The following HS3ST4 variants were observed in gnomAD, a reference collection of about 807,000 sequenced individuals.
The protein encoded by HS3ST4 is heparan sulfate glucosamine 3-O-sulfotransferase 4.
HS3ST4 carries 17 observed loss-of-function variants against 29.2 expected under a neutral mutation model. The observed-to-expected ratio is 0.58, with a 90% confidence interval of 0.40 to 0.87. The LOEUF (loss-of-function observed/expected upper bound fraction) is 0.87, where lower values mean the gene tolerates loss of function less well. Ranked by LOEUF, HS3ST4 falls within the 40% of genes least tolerant of loss-of-function variation. The pLI is 0.00. For missense variants in HS3ST4, 627 were observed against 634.5 expected (o/e 0.99, Z 0.13); for synonymous variants, 314 against 285.7 (o/e 1.10, Z -1.00).
chr16:25,967,540 G>C (rs538573127), intron 1 of HS3ST4, among the ~76,000 whole-genome samples: 1 of 152,134 alleles, frequency 6.6e-6, no homozygotes, highest in Non-Finnish European at 1.5e-5. Context: ...TAGGATCTGC[G>C]AAAAGAATTT....
intron 1 of HS3ST4, among the ~76,000 whole-genome samples, chr16:26,091,000 A>G (rs1898850454): frequency 6.6e-6 from 1 of 152,192 alleles, no homozygotes; most frequent in Non-Finnish European, 1.5e-5. Context: ...ACCCTGGATA[A>G]TTCCTTAAAT....
At chr16:25,828,242 C>CTTTCTCTTTCTTTCTT (rs1371928058) in intron 1 of HS3ST4, among the ~76,000 whole-genome samples, 9 of 75,032 alleles carry the variant, frequency 1.2e-4, no homozygotes, top group East Asian at 3.7e-4. Context: ...TTCTTTCTTT[C>CTTTCTCTTTCTTTCTT]TCTTTCTTTC....
intron 1 of HS3ST4, among the ~76,000 whole-genome samples, chr16:26,095,759 C>CT (rs572804758): frequency 7.9e-5 from 12 of 152,240 alleles, no homozygotes; most frequent in Admixed American, 7.8e-4. Flanking sequence ...CAAGAAATAA[C>CT]TAAGATCAGA....
At chr16:26,101,712 A>G (rs1251497517) in intron 1 of HS3ST4, among the ~76,000 whole-genome samples, 2 of 152,218 alleles carry the variant, frequency 1.3e-5, no homozygotes, top group Non-Finnish European at 2.9e-5. Flanking sequence ...GAATAGATGG[A>G]TGGATGAACT....
At chr16:25,760,423 G>GTTTTTT (rs386384530) in intron 1 of HS3ST4, among the ~76,000 whole-genome samples, 9 of 139,442 alleles carry the variant, frequency 6.5e-5, no homozygotes, top group African/African-American at 2.1e-4. Context: ...ATGACTCCAT[G>GTTTTTT]TTTTTTTTTT....
chr16:25,878,027 T>C (rs1356952055), intron 1 of HS3ST4, among the ~76,000 whole-genome samples: 1 of 152,170 alleles, frequency 6.6e-6, no homozygotes, highest in Non-Finnish European at 1.5e-5. Flanking sequence ...CTGTCTTCCA[T>C]AGAGCTTATA....
intron 1 of HS3ST4, among the ~76,000 whole-genome samples, chr16:26,008,418 G>A (rs1251741876): frequency 6.6e-6 from 1 of 152,198 alleles, no homozygotes; most frequent in Non-Finnish European, 1.5e-5. Context: ...CACAGGAAGG[G>A]TACCCCTCCC....
intron 1 of HS3ST4, among the ~76,000 whole-genome samples, chr16:26,049,782 C>A (rs1442136244): frequency 1.3e-5 from 2 of 152,154 alleles, no homozygotes; most frequent in Non-Finnish European, 2.9e-5. Context: ...CTTCTCACAA[C>A]CCCCTCCTTT....
At chr16:26,028,955 C>T (rs1427420391) in intron 1 of HS3ST4, 4 of 152,276 alleles carry the variant, frequency 2.6e-5, no homozygotes, top group Non-Finnish European at 1.5e-5. Flanking sequence ...CTCGTCTGAT[C>T]TTGGAAACTA....
intron 1 of HS3ST4, among the ~76,000 whole-genome samples, chr16:25,970,259 A>C (rs1968883155): frequency 6.6e-6 from 1 of 152,202 alleles, no homozygotes; most frequent in Non-Finnish European, 1.5e-5. Context: ...TTTGTTTTGC[A>C]AGATGGAAAT....
At chr16:26,070,481 C>T (rs907200757) in intron 1 of HS3ST4, among the ~76,000 whole-genome samples, 2 of 152,146 alleles carry the variant, frequency 1.3e-5, no homozygotes, top group Admixed American at 1.3e-4. Context: ...CACAGTTCAG[C>T]AAAACTTCCC....
intron 1 of HS3ST4, among the ~76,000 whole-genome samples, chr16:25,905,428 T>C (rs1174504893): frequency 6.6e-6 from 1 of 152,018 alleles, no homozygotes; most frequent in African/African-American, 2.4e-5. Context: ...AGAGGGAACA[T>C]GTTGGGAGGA....
At chr16:25,854,476 C>A (rs12447955) in intron 1 of HS3ST4, among the ~76,000 whole-genome samples, 39,856 of 151,720 alleles carry the variant, frequency 0.26, 6,419 homozygotes, top group Admixed American at 0.35. Context: ...TCTGTATTGC[C>A]ATCTGTTTTA....
chr16:25,754,292 C>T (rs1966741145), intron 1 of HS3ST4, among the ~76,000 whole-genome samples: 1 of 152,006 alleles, frequency 6.6e-6, no homozygotes, highest in Admixed American at 6.6e-5. Context: ...ATCACACACT[C>T]CATACAGCTA....
At chr16:25,796,198 T>C (rs1212110867) in intron 1 of HS3ST4, among the ~76,000 whole-genome samples, 2 of 152,174 alleles carry the variant, frequency 1.3e-5, no homozygotes, top group Non-Finnish European at 2.9e-5. Context: ...TCCCTGCCTA[T>C]CCTTTCAGCC....
intron 1 of HS3ST4, among the ~76,000 whole-genome samples, chr16:25,893,109 G>A (rs966622573): frequency 2.0e-5 from 3 of 152,140 alleles, no homozygotes; most frequent in South Asian, 4.1e-4. Flanking sequence ...GGAATGGTGT[G>A]CAAGGCAGAA....
chr16:26,061,840 T>C (rs1483698127), intron 1 of HS3ST4, among the ~76,000 whole-genome samples: 1 of 152,216 alleles, frequency 6.6e-6, no homozygotes, highest in Non-Finnish European at 1.5e-5. Flanking sequence ...AGCAACTTTA[T>C]CTTCAAATTC....
intron 1 of HS3ST4, among the ~76,000 whole-genome samples, chr16:25,853,461 G>T (rs1967541938): frequency 1.3e-5 from 2 of 152,098 alleles, no homozygotes; most frequent in Non-Finnish European, 2.9e-5. Flanking sequence ...AGCAAGAGTG[G>T]CATCCTTATT....
intron 1 of HS3ST4, among the ~76,000 whole-genome samples, chr16:26,109,256 G>A (rs1020865962): frequency 2.0e-5 from 3 of 152,150 alleles, no homozygotes; most frequent in Non-Finnish European, 4.4e-5. Context: ...GTAAAAGCTG[G>A]ATGCAATTTC....
Sources: gnomAD v4.1 joint callset for allele counts (sites outside exome capture counted in the v4.1 genomes callset) on GRCh38, gnomAD v4.1.1 for gene constraint, MANE v1.5 for transcripts, NCBI Gene and HGNC (gene_info 2026-07-23, HGNC 2026-07-21) for gene names.